Variants in NLGN1 observed in about 807,000 individuals in gnomAD.
The protein encoded by NLGN1 is neuroligin 1.
NLGN1 carries 12 observed loss-of-function variants against 65.5 expected under a neutral mutation model. The observed-to-expected ratio is 0.18, with a 90% CI of 0.12 to 0.30. The LOEUF (loss-of-function observed/expected upper bound fraction) is 0.30, where lower values mean the gene tolerates loss of function less well. NLGN1 is among the 10% of genes least tolerant of loss of function. The pLI is 1.00. For synonymous variants in NLGN1, 350 were observed against 359.5 expected (o/e 0.97, Z 0.30); for missense variants, 750 against 1,007.1 (o/e 0.74, Z 3.46).
At chr3:174,167,498 T>G (rs1002070777) in intron 4 of NLGN1, among the ~76,000 whole-genome samples, 1 of 152,124 alleles carries the variant, frequency 6.6e-6, no homozygotes, top group Non-Finnish European at 1.5e-5. Context: ...TTTAGAATGC[T>G]TAAAGTATTC....
intron 4 of NLGN1, among the ~76,000 whole-genome samples, chr3:173,878,065 A>G (rs562921432): frequency 2.0e-5 from 3 of 152,044 alleles, no homozygotes; most frequent in African/African-American, 4.8e-5. Flanking sequence ...TTTTTGAGAC[A>G]GAGTCTCGCT....
At chr3:173,802,495 A>G (rs774368624) in intron 3 of NLGN1, among the ~76,000 whole-genome samples, 1 of 152,228 alleles carries the variant, frequency 6.6e-6, no homozygotes, top group African/African-American at 2.4e-5. Flanking sequence ...GAATTCAGAT[A>G]TCCTACAGGG....
chr3:173,745,011 T>C (rs1343382309), intron 3 of NLGN1, among the ~76,000 whole-genome samples: 2 of 152,038 alleles, frequency 1.3e-5, no homozygotes, highest in African/African-American at 4.8e-5. Context: ...AACTAAGAGG[T>C]ACTGTTGGAT....
At chr3:174,195,067 G>T (rs1375447573) in intron 4 of NLGN1, among the ~76,000 whole-genome samples, 1 of 151,926 alleles carries the variant, frequency 6.6e-6, no homozygotes, top group Non-Finnish European at 1.5e-5. Context: ...CTCCATGTTG[G>T]TCAGGCTGGT....
intron 2 of NLGN1, among the ~76,000 whole-genome samples, chr3:173,576,844 A>G (rs1745574560): frequency 6.6e-6 from 1 of 152,148 alleles, no homozygotes; most frequent in South Asian, 2.1e-4. Context: ...AGTATATTTA[A>G]TGCTATTCTT....
intron 2 of NLGN1, among the ~76,000 whole-genome samples, chr3:173,570,278 G>A (rs916622317): frequency 6.6e-6 from 1 of 152,202 alleles, no homozygotes; most frequent in African/African-American, 2.4e-5. Flanking sequence ...AAAACCATGT[G>A]CAAAGGTGAA....
chr3:173,584,664 C>T (rs897506455), intron 2 of NLGN1: 5 of 151,446 alleles, frequency 3.3e-5, no homozygotes, highest in African/African-American at 1.2e-4. Context: ...TATTTCTTGC[C>T]TGATGGTCGG....
chr3:173,517,451 A>G (rs1162766488), intron 2 of NLGN1, among the ~76,000 whole-genome samples: 1 of 152,102 alleles, frequency 6.6e-6, no homozygotes, highest in East Asian at 1.9e-4. Context: ...AACCAAAGAC[A>G]GTATGAATTC....
intron 4 of NLGN1, among the ~76,000 whole-genome samples, chr3:174,174,080 G>A (rs1400006342): frequency 1.3e-5 from 2 of 152,042 alleles, no homozygotes; most frequent in East Asian, 3.9e-4. Context: ...TATGATGTTT[G>A]TTATTCCATT....
intron 3 of NLGN1, among the ~76,000 whole-genome samples, chr3:173,651,243 T>C (rs1759127023): frequency 6.6e-6 from 1 of 151,738 alleles, no homozygotes. Flanking sequence ...GTTCTATCCA[T>C]GTATGATTTC....
In NLGN1 at chr3:173,441,601, T is replaced by A. The variant is rs115192826; in HGVS notation, c.-321+6523T>A. ...TAGTGGAGCAGTCAGAACACACATA[T>A]TTGTCAGTTAAGTCTGCCATCTTTG... On this transcript the variant is annotated intron_variant, in intron 2 of 6. Transcript: ENST00000457714. Among the ~76,000 whole-genome samples the A allele has an allele frequency of 4.4e-3, 673 of 152,228 alleles. 2 individuals carry two copies. Among genetic ancestry groups the A allele is most frequent in the Non-Finnish European group, 7.0e-3 (476 of 67,990 alleles).
chr3:173,818,631 G>GT (rs1313094173), intron 4 of NLGN1, among the ~76,000 whole-genome samples: 1 of 152,122 alleles, frequency 6.6e-6, no homozygotes, highest in South Asian at 2.1e-4. Flanking sequence ...TCCCAGGAGA[G>GT]TGACTAGCCC....
intron 4 of NLGN1, among the ~76,000 whole-genome samples, chr3:174,145,293 T>A (rs1722999227): frequency 6.6e-6 from 1 of 152,032 alleles, no homozygotes; most frequent in Non-Finnish European, 1.5e-5. Flanking sequence ...GGTGGGTGGA[T>A]CATGATGTCA....
chr3:173,568,374 C>T (rs1744063059), intron 2 of NLGN1, among the ~76,000 whole-genome samples: 1 of 151,856 alleles, frequency 6.6e-6, no homozygotes, highest in African/African-American at 2.4e-5. Flanking sequence ...GTTGGGATTA[C>T]AGGTGCCCCC....
chr3:174,137,639 A>T (rs1329774821), intron 4 of NLGN1, among the ~76,000 whole-genome samples: 2 of 152,214 alleles, frequency 1.3e-5, no homozygotes, highest in Non-Finnish European at 2.9e-5. Flanking sequence ...TATATGTGTC[A>T]TTTAATGCCT....
chr3:173,923,939 AC>A (rs1241524069), intron 4 of NLGN1, among the ~76,000 whole-genome samples: 1 of 152,112 alleles, frequency 6.6e-6, no homozygotes, highest in Non-Finnish European at 1.5e-5. Context: ...TTAGAATAAA[AC>A]TTCTTCCATT....
At chr3:173,572,857 A>C (rs1744869234) in intron 2 of NLGN1, among the ~76,000 whole-genome samples, 1 of 152,064 alleles carries the variant, frequency 6.6e-6, no homozygotes, top group Admixed American at 6.5e-5. Flanking sequence ...GTTCAGCTTC[A>C]CCCAGGGAGG....
intron 4 of NLGN1, among the ~76,000 whole-genome samples, chr3:173,871,639 A>C (rs1731179934): frequency 6.6e-6 from 1 of 152,226 alleles, no homozygotes. Flanking sequence ...ATTTATGTAT[A>C]ATCTCTGAAA....
At chr3:174,259,575 A>AT (rs1003811454) in intron 4 of NLGN1, among the ~76,000 whole-genome samples, 3 of 152,094 alleles carry the variant, frequency 2.0e-5, no homozygotes, top group Non-Finnish European at 4.4e-5. Flanking sequence ...TCATCATAGT[A>AT]TTTTGGCTTA....
Sources: allele counts gnomAD v4.1 joint callset (sites outside exome capture counted in the v4.1 genomes callset), GRCh38; gene constraint gnomAD v4.1.1; transcripts MANE v1.5; gene names NCBI Gene and HGNC (gene_info 2026-07-23, HGNC 2026-07-21).